The following DARS2 variants were observed in gnomAD, a reference collection of about 807,000 sequenced individuals.
DARS2 encodes the protein aspartyl-tRNA synthetase 2, mitochondrial, also known as aspartate--tRNA ligase, mitochondrial.
A neutral mutation model predicts 83.0 loss-of-function variants in DARS2; 63 were observed. That is an observed-to-expected ratio of 0.76 (90% CI 0.62 to 0.94). The LOEUF (loss-of-function observed/expected upper bound fraction) is 0.94. Among genes scored for constraint, DARS2 ranks in the 40% least tolerant of loss-of-function variants. The probability of loss-of-function intolerance (pLI) is 0.00; values close to 1 mark genes in which losing one functional copy is unlikely to be tolerated. For synonymous variants in DARS2, 250 were observed against 269.3 expected (o/e 0.93, Z 0.70); for missense variants, 675 against 774.4 (o/e 0.87, Z 1.52).
rs1447099006 is a variant in DARS2, at chr1:173,858,496, T to C, written c.*791T>C. On this transcript the variant is annotated 3_prime_UTR_variant, in exon 17 of 17. Coordinates refer to ENST00000649689, the MANE Select transcript of DARS2 (RefSeq NM_018122.5). ...GGTAGATATATCTCTATTTTATAGT[T>C]TCAGATTAAACAAAACTGATATCAA... The C allele has an allele frequency of 2.0e-5, 3 of 152,086 alleles. No homozygotes were observed. The highest frequency in any genetic ancestry group is 7.2e-5 in the African/African-American group (3 of 41,434). The allele number at this position is 152,086 out of a possible 1,614,324, so 9.4% of individuals were successfully genotyped here. A position where few individuals can be genotyped will look rare whatever the true frequency, so the allele number is the denominator to read the frequency against.
chr1:173,851,881 C>A, intron 13 of DARS2: 1 of 985,386 alleles, frequency 1.0e-6, no homozygotes, highest in Non-Finnish European at 1.2e-6. Context: ...AATCCCCCGT[C>A]TCCCCTTCCC....
chr1:173,854,183 C>T (rs1359354418), intron 15 of DARS2, among the ~76,000 whole-genome samples: 2 of 152,004 alleles, frequency 1.3e-5, no homozygotes, highest in Admixed American at 1.3e-4. Context: ...CCCTATGTTG[C>T]TCACACTGCT....
At position 173,856,216 on chromosome 1, in the gene DARS2, A is replaced by G. The variant is rs192711898; in HGVS notation, c.1675-450A>G. ...ACATTTCTACATGTACTGCCCCACA[A>G]AAGTTACTCACAAGATCACTAAATC... On this transcript the variant is annotated intron_variant, in intron 15 of 16. Transcript: ENST00000649689. Among the ~76,000 whole-genome samples, 94 of 152,294 alleles carry G rather than the reference A, an allele frequency of 6.2e-4. 1 individual carries two copies. Among genetic ancestry groups the G allele is most frequent in the African/African-American group, 2.0e-3 (85 of 41,548 alleles).
chr1:173,852,955 G>A (rs1031689354), intron 13 of DARS2, among the ~76,000 whole-genome samples: 3 of 152,154 alleles, frequency 2.0e-5, no homozygotes, highest in Non-Finnish European at 4.4e-5. Context: ...CACATACTTT[G>A]TCAGGTCCTG....
At position 173,839,560 on chromosome 1, in the gene DARS2, C is replaced by G. The variant is rs1318457589; in HGVS notation, c.1020+14C>G. On this transcript the variant is annotated intron_variant, in intron 10 of 16. Transcript: ENST00000649689. Reference sequence around the variant, plus strand: ...TTTGGAATGAAGGTACTTATCTTCACTTTTCTAGGACTCTGTCCCCAAATA... The same window carrying G: ...TTTGGAATGAAGGTACTTATCTTCAGTTTTCTAGGACTCTGTCCCCAAATA... 2 of 1,611,762 alleles carry G rather than the reference C, an allele frequency of 1.2e-6. No individual in the cohort carries two copies. Among genetic ancestry groups the G allele is most frequent in the Admixed American group, 1.7e-5 (1 of 59,998 alleles).
chr1:173,845,379 T>C, intron 12 of DARS2, 88 bp downstream of exon 12: 1 of 807,766 alleles, frequency 1.2e-6, no homozygotes, highest in South Asian at 1.6e-5. Flanking sequence ...TCATTAGTTT[T>C]GAGCATCTTG....
intron 12 of DARS2, among the ~76,000 whole-genome samples, chr1:173,848,156 T>G (rs1212849612): frequency 6.6e-6 from 1 of 152,130 alleles, no homozygotes; most frequent in Non-Finnish European, 1.5e-5. Flanking sequence ...CCCGGCCCTT[T>G]TCTTCATTCT....
intron 5 of DARS2, 128 bp from the exon 6 acceptor site, chr1:173,833,248 C>A: frequency 1.4e-6 from 1 of 738,694 alleles, no homozygotes; most frequent in Non-Finnish European, 2.1e-6. Context: ...TAACAGCATA[C>A]AGTGGGCTAC....
chr1:173,826,718 A>G lies in DARS2; in HGVS notation c.159A>G (p.Thr53=), dbSNP rs774331699. The G allele has an allele frequency of 5.6e-6, 9 of 1,610,310 alleles. No homozygotes were observed. In the South Asian group the frequency reaches 9.9e-5, roughly 18 times the overall value. Residue 53 remains threonine, a synonymous_variant, in exon 2 of 17, where the codon ACA becomes ACG. Coordinates refer to ENST00000649689, the MANE Select transcript of DARS2 (RefSeq NM_018122.5). The stretch of plus-strand genomic sequence containing the variant: ...GTAGCTTTGTTGTCCGGACCAACAC[A>G]TGTGGAGAGTTGCGTTCGTCTCACT... ...EFSSFVVRTN[T]CGELRSSHLG... is the part of the protein sequence containing the mutation.
intron 8 of DARS2, 143 bp from the exon 9 acceptor site, chr1:173,838,047 A>T: frequency 1.4e-6 from 1 of 700,448 alleles, no homozygotes; most frequent in African/African-American, 1.8e-5. Context: ...TGCTGGGATT[A>T]TAGGTATGAG....
chr1:173,837,018 C>A lies in DARS2; in HGVS notation c.742C>A (p.Gln248Lys), dbSNP rs772489337. The change falls in exon 8 of 17, where the codon CAA becomes AAA. Residue 248 changes from glutamine to lysine, a missense_variant. Transcript: ENST00000649689. ...CCCTCAGAGTCCTCAACAGTTTAAG[C>A]AACTTCTGATGGTTGGCGGTTTAGA... ...SLPQSPQQFK[Q>K]LLMVGGLDRY... The A allele has an allele frequency of 5.0e-6, 8 of 1,613,786 alleles. No individual in the cohort carries two copies. Among genetic ancestry groups the A allele is most frequent in the Non-Finnish European group, 5.9e-6 (7 of 1,179,948 alleles).
At chr1:173,838,135 AG>A in intron 8 of DARS2, 54 bp from the exon 9 acceptor site, 4 of 1,410,834 alleles carry the variant, frequency 2.8e-6, no homozygotes, top group Non-Finnish European at 4.0e-6. Flanking sequence ...TTTGGGGAAA[AG>A]TGTGTATGTC....
At position 173,839,379 on chromosome 1, in the gene DARS2, A is replaced by C; in HGVS notation, c.853A>C (p.Met285Leu). 1.9e-6 allele frequency: 3 copies of C among 1,614,144 alleles called. No homozygotes were observed. Among genetic ancestry groups the C allele is most frequent in the Non-Finnish European group, 2.5e-6 (3 of 1,179,998 alleles). Residue 285 changes from methionine to leucine, a missense_variant, in exon 10 of 17, where the codon ATG (methionine) becomes CTG (leucine). By Grantham distance (15) the Met-to-Leu change is conservative (BLOSUM62 2). Coordinates refer to ENST00000649689, the MANE Select transcript of DARS2 (RefSeq NM_018122.5). ...QPEFTQIDIE[M>L]SFVDQTGIQS... ...ACTTTGGTTTCAGATTGACATAGAG[A>C]TGTCATTTGTAGACCAGACTGGGAT...
intron 13 of DARS2, chr1:173,852,186 A>G (rs1349152983): frequency 1.0e-6 from 1 of 985,334 alleles, no homozygotes; most frequent in Non-Finnish European, 1.2e-6. Flanking sequence ...GCTGCAAAAT[A>G]ATACCCTATC....
chr1:173,853,732 T>C, intron 14 of DARS2, 63 bp from the exon 15 acceptor site: 1 of 1,539,044 alleles, frequency 6.5e-7, no homozygotes, highest in Non-Finnish European at 9.0e-7. Flanking sequence ...CTACAGGGTC[T>C]TCAACCCGTA....
chr1:173,828,749 G>T (rs1178009439), intron 3 of DARS2, among the ~76,000 whole-genome samples: 2 of 152,126 alleles, frequency 1.3e-5, no homozygotes, highest in Non-Finnish European at 2.9e-5. Context: ...GGGAAAGCAG[G>T]TGCTCAATAC....
At chr1:173,853,990 T>A (rs1653774063) in intron 15 of DARS2, 85 bp downstream of exon 15, 2 of 1,257,950 alleles carry the variant, frequency 1.6e-6, no homozygotes, top group African/African-American at 3.0e-5. Context: ...TTTGCTTGTT[T>A]GTTTTGTTTT....
Position 173,826,178 on chromosome 1 carries a change from C to T in DARS2, c.128-509C>T, listed in dbSNP as rs567705477. ...GGCGGAGCTTGCAGTGAGCCGAGAT[C>T]GCGCCACTGCACTCCAGCCTGGGCG... On this transcript the variant is annotated intron_variant, in intron 1 of 16. Coordinates refer to ENST00000649689, the MANE Select transcript of DARS2 (RefSeq NM_018122.5). 6.0e-5 allele frequency among the ~76,000 whole-genome samples: 9 copies of T among 151,114 alleles called. No individual in the cohort carries two copies. The South Asian group carries it at 1.7e-3, about 28-fold the overall frequency.
chr1:173,826,011 A>G (rs1652531460), intron 1 of DARS2, among the ~76,000 whole-genome samples: 1 of 151,136 alleles, frequency 6.6e-6, no homozygotes, highest in African/African-American at 2.4e-5. Flanking sequence ...TCACGAGGTC[A>G]GGAGATCGAG....
Sources: gnomAD v4.1 joint callset for allele counts (sites outside exome capture counted in the v4.1 genomes callset) on GRCh38, gnomAD v4.1.1 for gene constraint, MANE v1.5 for transcripts, NCBI Gene and HGNC (gene_info 2026-07-23, HGNC 2026-07-21) for gene names.